DENND10: variants seen among roughly 807,000 people sequenced by gnomAD.
DENND10 encodes DENN domain-containing protein 10.
DENND10 carries 24 observed loss-of-function variants against 43.6 expected under a neutral mutation model. The observed-to-expected ratio is 0.55, with a 90% CI of 0.40 to 0.77. The LOEUF is 0.77. Among genes scored for constraint, DENND10 ranks in the 30% least tolerant of loss-of-function variants. DENND10 has a pLI of 0.00. For synonymous variants in DENND10, 125 were observed against 157.6 expected (o/e 0.79, Z 1.55); for missense variants, 303 against 429.9 (o/e 0.70, Z 2.61).
chr10:119,127,827 A>T (rs890216865), intron 6 of DENND10, among the ~76,000 whole-genome samples: 1 of 151,924 alleles, frequency 6.6e-6, no homozygotes, highest in Admixed American at 6.6e-5. Flanking sequence ...ACAGGGTTTC[A>T]TCATGTTGGC....
At chr10:119,109,622 CTT>C (rs776609518) in intron 2 of DENND10, among the ~76,000 whole-genome samples, 39 of 140,980 alleles carry the variant, frequency 2.8e-4, no homozygotes, top group Admixed American at 3.6e-4. Context: ...CAAGAAGATA[CTT>C]TTTTTTTTTT....
In DENND10 at chr10:119,135,791, TAAAAAAAA is replaced by T. The variant is rs367836571; in HGVS notation, c.898-662_898-655del. On this transcript the variant is annotated intron_variant, in intron 8 of 8. Coordinates refer to ENST00000361432, the MANE Select transcript of DENND10 (RefSeq NM_207009.4). ...TACACTCAGAAAATGACTAAAATTGTAAAAAAAAAAAAAAAAAAAAAAAAACCAAAACC... is the reference window on the plus strand; with the variant it reads ...TACACTCAGAAAATGACTAAAATTGTAAAAAAAAAAAAAAAAACCAAAACC... Among the ~76,000 whole-genome samples, 23 of 64,022 alleles carry T rather than the reference TAAAAAAAA, an allele frequency of 3.6e-4. No individual in the cohort carries two copies. In the South Asian group the frequency reaches 9.3e-3, roughly 26 times the overall value. 42.0% of individuals were successfully genotyped at this position (64,022 alleles called of 152,430 possible).
At chr10:119,120,220 C>T in intron 4 of DENND10, 121 bp from the exon 5 acceptor site, 1 of 584,862 alleles carries the variant, frequency 1.7e-6, no homozygotes, top group South Asian at 2.0e-5. Context: ...TGCATTCCAG[C>T]CTGGGTGACA....
intron 6 of DENND10, among the ~76,000 whole-genome samples, chr10:119,129,065 T>C (rs181319312): frequency 1.3e-5 from 2 of 152,272 alleles, no homozygotes; most frequent in East Asian, 1.9e-4. Context: ...CTGGGAATCA[T>C]TGTTCTAACA....
At chr10:119,125,208 G>C (rs535349384) in intron 6 of DENND10, among the ~76,000 whole-genome samples, 3 of 152,100 alleles carry the variant, frequency 2.0e-5, no homozygotes, top group Non-Finnish European at 4.4e-5. Context: ...CTTACCTTAG[G>C]TGATCCACCC....
chr10:119,107,693 C>T (rs942260581), intron 1 of DENND10, among the ~76,000 whole-genome samples: 2 of 152,104 alleles, frequency 1.3e-5, no homozygotes, highest in Non-Finnish European at 2.9e-5. Context: ...CATGAGCCAT[C>T]GTGCCCGGCC....
Position 119,129,574 on chromosome 10 carries a change from T to C in DENND10, c.754T>C (p.Phe252Leu), listed in dbSNP as rs758772720. The C allele has an allele frequency of 5.8e-5, 94 of 1,613,800 alleles. No homozygotes were observed. The highest frequency in any genetic ancestry group is 8.0e-5 in the Non-Finnish European group (94 of 1,179,774). ...CAACAGACCAGACCTCTATGATGTG[T>C]TTGTGAATCTGGCAGAGAGTGAGAT... ...VSNRPDLYDV[F>L]VNLAESEITI... The change falls in exon 7 of 9, where the codon TTT becomes CTT. Residue 252 changes from phenylalanine to leucine, a missense_variant. By Grantham distance (22) the Phe-to-Leu change is conservative (BLOSUM62 0). Transcript: ENST00000361432.
At chr10:119,113,091 TC>T (rs1247996004) in intron 3 of DENND10, among the ~76,000 whole-genome samples, 3 of 151,868 alleles carry the variant, frequency 2.0e-5, no homozygotes, top group African/African-American at 4.8e-5. Context: ...CCTCAAGTGA[TC>T]CGCCCGCCTT....
intron 2 of DENND10, among the ~76,000 whole-genome samples, chr10:119,110,920 T>C (rs1844943584): frequency 6.6e-6 from 1 of 152,174 alleles, no homozygotes; most frequent in Admixed American, 6.6e-5. Flanking sequence ...AAGAATAATC[T>C]ATTAATTTCA....
At chr10:119,117,246 C>T (rs1845333020) in intron 3 of DENND10, among the ~76,000 whole-genome samples, 1 of 151,918 alleles carries the variant, frequency 6.6e-6, no homozygotes, top group Non-Finnish European at 1.5e-5. Context: ...GTGGTGCACA[C>T]CTGTAATCCC....
rs765259879 is a variant in DENND10, at chr10:119,120,296, G to A, written c.482-45G>A. The A allele has an allele frequency of 5.4e-6, 6 of 1,119,938 alleles. No homozygotes were observed. The South Asian group carries it at 6.8e-5, about 13-fold the overall frequency. 69.4% of individuals were successfully genotyped at this position (1,119,938 alleles called of 1,614,324 possible). ...AAGAAAAAAAAATCTTTATTTCTTT[G>A]CATGATGTGTAATGCAGTAACATTA... On this transcript the variant is annotated intron_variant, in intron 4 of 8. Transcript: ENST00000361432.
intron 7 of DENND10, among the ~76,000 whole-genome samples, chr10:119,131,481 T>C (rs999605244): frequency 2.6e-5 from 4 of 152,026 alleles, no homozygotes; most frequent in Non-Finnish European, 4.4e-5. Flanking sequence ...AATAAATAAA[T>C]TGTCCCAAAT....
Position 119,132,455 on chromosome 10 carries a change from T to A in DENND10, c.803-60T>A. 7.0e-7 allele frequency: 1 copy of A among 1,424,820 alleles called. No individual in the cohort carries two copies. The highest frequency in any genetic ancestry group is 9.9e-7 in the Non-Finnish European group (1 of 1,008,302). The allele number at this position is 1,424,820 out of a possible 1,614,324, so 88.3% of individuals were successfully genotyped here. The stretch of plus-strand genomic sequence containing the variant: ...CAGTGTGGTCTTCCAAGTTTTCAGA[T>A]AGATGGCATGATTATTTTTTATGTC... On this transcript the variant is annotated intron_variant, in intron 7 of 8. Coordinates refer to ENST00000361432, the MANE Select transcript of DENND10 (RefSeq NM_207009.4). This position sits in a 1 kb window ranked among gnomAD's most constrained non-coding sequence, Gnocchi z 4.2.
chr10:119,114,398 CT>C (rs1241325189), intron 3 of DENND10: 1 of 152,282 alleles, frequency 6.6e-6, no homozygotes, highest in Non-Finnish European at 1.5e-5. Flanking sequence ...GCAGGCGTGC[CT>C]TCCACACACA....
chr10:119,135,163 C>CAAAAAAAAAAAAAAAAAAAAAA (rs61460927), intron 8 of DENND10: 1 of 132,650 alleles, frequency 7.5e-6, no homozygotes. Context: ...AAAACTGTCT[C>CAAAAAAAAAAAAAAAAAAAAAA]AAAAAAAAAA....
intron 2 of DENND10, among the ~76,000 whole-genome samples, chr10:119,109,632 T>G (rs1844883517): frequency 6.6e-6 from 1 of 152,010 alleles, no homozygotes; most frequent in Non-Finnish European, 1.5e-5. Flanking sequence ...CTTTTTTTTT[T>G]TTTTTACGGG....
In DENND10 at chr10:119,136,473, T is replaced by G; in HGVS notation, c.900T>G (p.Asp300Glu). The stretch of plus-strand genomic sequence containing the variant: ...TATATTTTCCTGTTCTATTAAAGGA[T>G]ATTGCTCTAAAAACAAGAGAAATCT... ...PEKSESHVIQ[D>E]IALKTREIFT... The change falls in exon 9 of 9, where the codon GAT (aspartate) becomes GAG (glutamate). Residue 300 changes from aspartate to glutamate, a missense_variant and splice_region_variant. Coordinates refer to ENST00000361432, the MANE Select transcript of DENND10 (RefSeq NM_207009.4). The G allele has an allele frequency of 6.2e-7, 1 of 1,602,560 alleles. No individual in the cohort carries two copies. Among genetic ancestry groups the G allele is most frequent in the Non-Finnish European group, 8.5e-7 (1 of 1,177,276 alleles).
At chr10:119,111,273 A>G (rs1480188101) in intron 2 of DENND10, among the ~76,000 whole-genome samples, 4 of 151,676 alleles carry the variant, frequency 2.6e-5, no homozygotes, top group Non-Finnish European at 5.9e-5. Context: ...CAAAAAAAAA[A>G]AAAAAAAAAA....
chr10:119,127,241 A>ATTAAT (rs377200753), intron 6 of DENND10, among the ~76,000 whole-genome samples: 1 of 152,068 alleles, frequency 6.6e-6, no homozygotes, highest in Non-Finnish European at 1.5e-5. Context: ...CAGTGAAGTT[A>ATTAAT]TTAATTTATC....
Sources: allele counts gnomAD v4.1 joint callset (sites outside exome capture counted in the v4.1 genomes callset), GRCh38; gene constraint gnomAD v4.1.1; non-coding constraint Gnocchi (gnomAD v3.1); transcripts MANE v1.5; gene names NCBI Gene and HGNC (gene_info 2026-07-23, HGNC 2026-07-21).